The following TTLL6 variants were observed in gnomAD, a reference collection of about 807,000 sequenced individuals.
TTLL6 encodes tubulin polyglutamylase TTLL6.
Under a neutral mutation model 96.4 loss-of-function variants are expected in TTLL6, and 75 were observed. That is an observed-to-expected ratio of 0.78 (90% CI 0.65 to 0.94). The LOEUF (loss-of-function observed/expected upper bound fraction) is 0.94. TTLL6 is among the 40% of genes least tolerant of loss of function. The pLI is 0.00. For synonymous variants in TTLL6, 411 were observed against 419.4 expected (o/e 0.98, Z 0.24); for missense variants, 1,030 against 1,093.0 (o/e 0.94, Z 0.81).
At position 48,769,939 on chromosome 17, in the gene TTLL6, T is replaced by A; in HGVS notation, c.2199A>T (p.Pro733=). Residue 733 remains proline, a synonymous_variant, in exon 14 of 16, where the codon CCA becomes CCT. Coordinates refer to ENST00000393382, the MANE Select transcript of TTLL6 (RefSeq NM_001130918.3). The part of the protein sequence containing the change: ...SFKCKKQQTP[P]HLTQKKMLKS... ...TTAACATTTTCTTCTGGGTTAAGTGTGGAGGGGTCTGCTGCTTCTTGCATT... is the reference window on the plus strand; with the variant it reads ...TTAACATTTTCTTCTGGGTTAAGTGAGGAGGGGTCTGCTGCTTCTTGCATT... The A allele has an allele frequency of 1.2e-6, 2 of 1,614,150 alleles. No homozygotes were observed. Among genetic ancestry groups the A allele is most frequent in the Non-Finnish European group, 1.7e-6 (2 of 1,180,040 alleles).
rs113344941 is a variant in TTLL6 at position 48,793,466 on chromosome 17, G to A, written c.999-1863C>T. On this transcript the variant is annotated intron_variant, in intron 8 of 15. Coordinates refer to ENST00000393382, the MANE Select transcript of TTLL6 (RefSeq NM_001130918.3). ...AAATTGGCCAAGCATGGTGGTGGGC[G>A]CCTGTAATCCCAGCTACTTGAGAGG... 4.7e-3 allele frequency among the ~76,000 whole-genome samples: 721 copies of A among 152,206 alleles called. 3 individuals carry two copies. Among genetic ancestry groups the A allele is most frequent in the African/African-American group, 0.016 (670 of 41,530 alleles).
chr17:48,807,142 C>A (rs1464920846), intron 1 of TTLL6, among the ~76,000 whole-genome samples: 1 of 151,704 alleles, frequency 6.6e-6, no homozygotes, highest in Admixed American at 6.6e-5. Flanking sequence ...GGATGGAGTG[C>A]AATGGCGCCA....
At position 48,762,915 on chromosome 17, in the gene TTLL6, C is replaced by A; in HGVS notation, c.*59G>T. On this transcript the variant is annotated 3_prime_UTR_variant, in exon 16 of 16. Transcript: ENST00000393382. ...ACTGGAGACACTGTCGGAAGAGACACATTGTTTCCTGCAAGTTAAGAGGTA... is the reference window on the plus strand; with the variant it reads ...ACTGGAGACACTGTCGGAAGAGACAAATTGTTTCCTGCAAGTTAAGAGGTA... 2.2e-6 allele frequency: 1 copy of A among 456,228 alleles called. No homozygotes were observed. The highest frequency in any genetic ancestry group is 4.4e-6 in the Non-Finnish European group (1 of 226,840). The allele number at this position is 456,228 out of a possible 1,614,324, so 28.3% of individuals were successfully genotyped here. A position where few individuals can be genotyped will look rare whatever the true frequency, so the allele number is the denominator to read the frequency against.
chr17:48,786,071 G>A (rs990410433), intron 12 of TTLL6, 93 bp downstream of exon 12: 1 of 1,559,954 alleles, frequency 6.4e-7, no homozygotes, highest in Non-Finnish European at 8.7e-7. Context: ...GTGTGTCTGG[G>A]CTCTGAGCAG....
chr17:48,802,039 C>T (rs1194946399), intron 3 of TTLL6, among the ~76,000 whole-genome samples: 1 of 88,866 alleles, frequency 1.1e-5, no homozygotes, highest in Non-Finnish European at 2.2e-5. Context: ...GAGACCCTGT[C>T]AAAAAAAAAA....
rs1048735863 is a variant in TTLL6, at chr17:48,762,305, T to C, written c.*669A>G. 3.9e-5 allele frequency: 6 copies of C among 152,222 alleles called. No homozygotes were observed. The highest frequency in any genetic ancestry group is 7.3e-5 in the Non-Finnish European group (5 of 68,042). 9.4% of individuals were successfully genotyped at this position (152,222 alleles called of 1,614,324 possible). ...AAAGTGTAACATTTCTGCAGGCTGA[T>C]AGAAGAAGCATCTTCAGGCTGGGTA... On this transcript the variant is annotated 3_prime_UTR_variant, in exon 16 of 16. Coordinates refer to ENST00000393382, the MANE Select transcript of TTLL6 (RefSeq NM_001130918.3).
intron 13 of TTLL6, 69 bp downstream of exon 13, chr17:48,784,854 T>TG: frequency 7.2e-7 from 1 of 1,390,340 alleles, no homozygotes; most frequent in Non-Finnish European, 1.0e-6. Flanking sequence ...CACAGCAAGT[T>TG]GGGGGTAGAG....
intron 13 of TTLL6, among the ~76,000 whole-genome samples, chr17:48,779,353 CAAAAA>C (rs35763170): frequency 1.3e-4 from 6 of 46,258 alleles, no homozygotes; most frequent in South Asian, 2.6e-3. Context: ...GACTCTGTCT[CAAAAA>C]AAAAAAAAAA....
At chr17:48,795,339 AAAAAG>A (rs1052236552) in intron 8 of TTLL6, among the ~76,000 whole-genome samples, 3 of 151,908 alleles carry the variant, frequency 2.0e-5, no homozygotes, top group African/African-American at 7.3e-5. Flanking sequence ...GAAAAAAAAA[AAAAAG>A]AAAAGAAAAG....
intron 15 of TTLL6, among the ~76,000 whole-genome samples, chr17:48,766,559 T>C (rs1408005275): frequency 3.3e-5 from 5 of 152,188 alleles, no homozygotes; most frequent in Non-Finnish European, 7.4e-5. Flanking sequence ...TGCTACATCA[T>C]CCTTTTTTAA....
At chr17:48,807,148 C>T (rs2039517193) in intron 1 of TTLL6, among the ~76,000 whole-genome samples, 1 of 151,702 alleles carries the variant, frequency 6.6e-6, no homozygotes, top group Non-Finnish European at 1.5e-5. Flanking sequence ...AGTGCAATGG[C>T]GCCATCTCGG....
At chr17:48,766,856 C>T (rs1242848383) in intron 15 of TTLL6, among the ~76,000 whole-genome samples, 1 of 152,198 alleles carries the variant, frequency 6.6e-6, no homozygotes, top group Non-Finnish European at 1.5e-5. Context: ...TCAGGGCTGG[C>T]TGTAACAGGC....
At chr17:48,780,511 A>G (rs898441604) in intron 13 of TTLL6, among the ~76,000 whole-genome samples, 1 of 152,226 alleles carries the variant, frequency 6.6e-6, no homozygotes, top group African/African-American at 2.4e-5. Flanking sequence ...AAATAAATAA[A>G]TAACATAAAA....
intron 14 of TTLL6, 104 bp downstream of exon 14, chr17:48,769,624 G>A: frequency 2.9e-6 from 4 of 1,390,958 alleles, no homozygotes; most frequent in Non-Finnish European, 2.9e-6. Flanking sequence ...GACAGGGGCT[G>A]TCCCCCCTCC....
chr17:48,801,477 C>T lies in TTLL6; in HGVS notation c.480+48G>A, dbSNP rs371034682. The T allele has an allele frequency of 2.4e-5, 37 of 1,550,860 alleles. No individual in the cohort carries two copies. In the Admixed American group the frequency reaches 2.9e-4, roughly 12 times the overall value. On this transcript the variant is annotated intron_variant, in intron 4 of 15. Transcript: ENST00000393382. ...GACAGGTGTAAAAATGGGGCCCCGC[C>T]GGGTAAGATGGCACACTTAAACCAA... is the stretch of plus-strand genomic sequence containing the variant.
intron 4 of TTLL6, 35 bp downstream of exon 4, chr17:48,801,490 A>G: frequency 1.9e-6 from 3 of 1,551,010 alleles, no homozygotes; most frequent in East Asian, 2.4e-5. Flanking sequence ...GTAAGATGGC[A>G]CACTTAAACC....
rs142617409 is a variant in TTLL6 at position 48,801,242 on chromosome 17, G to C, written c.611+13C>G. On this transcript the variant is annotated intron_variant, in intron 5 of 15. Transcript: ENST00000393382. ...GGGAGTGGAGAAGGAAGTACAGGGC[G>C]GGGGGCACTCACTCAGCAGGAAGAC... is the stretch of plus-strand genomic sequence containing the variant. The C allele has an allele frequency of 1.4e-5, 21 of 1,550,200 alleles. No homozygotes were observed. The South Asian group carries it at 1.4e-4, about 11-fold the overall frequency.
rs2038871305 is a variant in TTLL6 at position 48,776,383 on chromosome 17, C to T, written c.2041-6286G>A. ...GGCTGAGGCAGGGGAATCACTTGAACCTGGGAGGTGGAGGTTGCAGTGAGC... is the reference window on the plus strand; with the variant it reads ...GGCTGAGGCAGGGGAATCACTTGAATCTGGGAGGTGGAGGTTGCAGTGAGC... On this transcript the variant is annotated intron_variant, in intron 13 of 15. Transcript: ENST00000393382. Among the ~76,000 whole-genome samples, 3 of 152,152 alleles carry T rather than the reference C, an allele frequency of 2.0e-5. No individual in the cohort carries two copies. In the South Asian group the frequency reaches 6.2e-4, roughly 32 times the overall value.
chr17:48,804,702 A>T, intron 2 of TTLL6, 70 bp downstream of exon 2: 311 of 1,141,442 alleles, frequency 2.7e-4, no homozygotes, highest in Non-Finnish European at 3.6e-4. Context: ...ATCAGCCAAG[A>T]CCCCCTTCCC....
Sources: gnomAD v4.1 joint callset for allele counts (sites outside exome capture counted in the v4.1 genomes callset) on GRCh38, gnomAD v4.1.1 for gene constraint, MANE v1.5 for transcripts, NCBI Gene and HGNC (gene_info 2026-07-23, HGNC 2026-07-21) for gene names.